The following PDE4D variants were observed in gnomAD, a reference collection of about 807,000 sequenced individuals.
PDE4D encodes the protein 3',5'-cyclic-AMP phosphodiesterase 4D.
PDE4D carries 24 observed loss-of-function variants against 87.4 expected under a neutral mutation model. That is an observed-to-expected ratio of 0.27 (90% CI 0.20 to 0.39). The LOEUF is 0.39. Ranked by LOEUF, PDE4D falls within the 10% of genes least tolerant of loss-of-function variation. The pLI is 1.00. For synonymous variants in PDE4D, 384 were observed against 383.2 expected (o/e 1.00, Z -0.02); for missense variants, 714 against 1,041.0 (o/e 0.69, Z 4.32).
intron 1 of PDE4D, among the ~76,000 whole-genome samples, chr5:59,444,541 G>A (rs1798075866): frequency 6.6e-6 from 1 of 152,122 alleles, no homozygotes; most frequent in Admixed American, 6.5e-5. Flanking sequence ...AGTCGGGCGC[G>A]GTGGCTCACG....
At chr5:59,222,800 G>T (rs1349668224) in intron 1 of PDE4D, among the ~76,000 whole-genome samples, 1 of 152,150 alleles carries the variant, frequency 6.6e-6, no homozygotes, top group African/African-American at 2.4e-5. Flanking sequence ...GTATTTTCTA[G>T]GCTTTCACTG....
At position 58,989,937 on chromosome 5, in the gene PDE4D, A is replaced by G. The variant is rs779936208; in HGVS notation, c.1288-18T>C. 2.8e-6 allele frequency: 4 copies of G among 1,448,662 alleles called. No individual in the cohort carries two copies. In the Admixed American group the frequency reaches 7.8e-5, roughly 28 times the overall value. 89.7% of individuals were successfully genotyped at this position (1,448,662 alleles called of 1,614,324 possible). On this transcript the variant is annotated intron_variant, in intron 9 of 14. Coordinates refer to ENST00000340635, the MANE Select transcript of PDE4D (RefSeq NM_001104631.2). ...TCCCGTTCCTGTAGGAAAAAAAATC[A>G]TCTTAACATTTTTGTCTTTATGTGA... is the stretch of plus-strand genomic sequence containing the variant.
At chr5:59,975,082 T>TAAAA (rs895501341) in intron 3 of PDE4D, among the ~76,000 whole-genome samples, 24 of 152,212 alleles carry the variant, frequency 1.6e-4, no homozygotes, top group Admixed American at 6.5e-5. Flanking sequence ...CACCTTCTTG[T>TAAAA]AAAAACTTCT....
At position 60,179,780 on chromosome 5, in the gene PDE4D, T is replaced by C. The variant is rs113045758; in HGVS notation, c.42+5777A>G. Among the ~76,000 whole-genome samples the C allele has an allele frequency of 3.6e-3, 542 of 152,210 alleles. 6 individuals are homozygous for C. The highest frequency in any genetic ancestry group is 0.012 in the African/African-American group (517 of 41,550). ...TTCAAAACATTTGCCATTTCAATAG[T>C]GAAAAAAAGCTAAACAAAATTTTAA... On this transcript the variant is annotated intron_variant, in intron 2 of 16. Transcript: ENST00000502484.
intron 5 of PDE4D, among the ~76,000 whole-genome samples, chr5:59,139,639 A>AT (rs1777610753): frequency 7.1e-6 from 1 of 141,344 alleles, no homozygotes; most frequent in East Asian, 1.9e-4. Flanking sequence ...CAATTTTTTT[A>AT]TTTTTTTTAT....
chr5:59,257,260 C>T (rs1761154860), intron 1 of PDE4D, among the ~76,000 whole-genome samples: 2 of 152,018 alleles, frequency 1.3e-5, no homozygotes, highest in African/African-American at 4.8e-5. Context: ...ACAGGCCAAA[C>T]TGTGTTTGCT....
At chr5:59,499,750 A>C (rs1332858581) in intron 1 of PDE4D, among the ~76,000 whole-genome samples, 2 of 152,148 alleles carry the variant, frequency 1.3e-5, no homozygotes, top group African/African-American at 2.4e-5. Flanking sequence ...GAACAGACCA[A>C]TAACAAGTAA....
chr5:60,278,500 G>C (rs1260318400), intron 1 of PDE4D, among the ~76,000 whole-genome samples: 2 of 151,846 alleles, frequency 1.3e-5, no homozygotes, highest in African/African-American at 2.4e-5. Context: ...CCTCTTTCTC[G>C]TCTCTTTCTG....
At chr5:59,047,896 C>A (rs1760959236) in intron 5 of PDE4D, among the ~76,000 whole-genome samples, 2 of 152,176 alleles carry the variant, frequency 1.3e-5, no homozygotes, top group Non-Finnish European at 2.9e-5. Context: ...GGGCAGTCTG[C>A]AACCCTGAAG....
chr5:60,102,194 T>A (rs2149333245), intron 2 of PDE4D, among the ~76,000 whole-genome samples: 1 of 152,316 alleles, frequency 6.6e-6, no homozygotes, highest in South Asian at 2.1e-4. Flanking sequence ...ACTGGGACTC[T>A]TAATATATAC....
chr5:59,767,836 CAG>C (rs1762992145), intron 1 of PDE4D, among the ~76,000 whole-genome samples: 1 of 152,136 alleles, frequency 6.6e-6, no homozygotes, highest in African/African-American at 2.4e-5. Context: ...ATGCAGAAAA[CAG>C]AGCAAACTAT....
At chr5:59,032,269 ATTAAG>A (rs1757692195) in intron 6 of PDE4D, among the ~76,000 whole-genome samples, 1 of 152,232 alleles carries the variant, frequency 6.6e-6, no homozygotes, top group Non-Finnish European at 1.5e-5. Context: ...TAAAAAATAC[ATTAAG>A]TTAAAACATT....
At position 59,106,359 on chromosome 5, in the gene PDE4D, T is replaced by C. The variant is rs142340123; in HGVS notation, c.809-67388A>G. Among the ~76,000 whole-genome samples the C allele has an allele frequency of 3.2e-4, 49 of 152,368 alleles. No individual in the cohort carries two copies. The East Asian group carries it at 7.9e-3, about 25-fold the overall frequency. ...CTTATGTGTTTGACTGATGATGTTA[T>C]TGCACAAAGGCTTATGATTTCTCAG... is the stretch of plus-strand genomic sequence containing the variant. On this transcript the variant is annotated intron_variant, in intron 5 of 14. Transcript: ENST00000340635.
chr5:60,029,428 C>CCG (rs1271984466), intron 2 of PDE4D, among the ~76,000 whole-genome samples: 16 of 152,276 alleles, frequency 1.1e-4, no homozygotes, highest in Middle Eastern at 6.8e-3. Flanking sequence ...CTGTAAGTTC[C>CCG]CGCTTCCAGT....
intron 5 of PDE4D, among the ~76,000 whole-genome samples, chr5:59,065,067 T>TATACACACAC (rs764430366): frequency 1.1e-5 from 1 of 89,338 alleles, no homozygotes. Flanking sequence ...GATATATATA[T>TATACACACAC]ACACACACAC....
intron 1 of PDE4D, among the ~76,000 whole-genome samples, chr5:59,811,105 G>T (rs1352739323): frequency 1.3e-5 from 2 of 152,222 alleles, no homozygotes; most frequent in Non-Finnish European, 2.9e-5. Context: ...GAGAAGGAAA[G>T]TGATAGCACA....
intron 1 of PDE4D, among the ~76,000 whole-genome samples, chr5:59,370,682 T>A (rs886736374): frequency 6.6e-6 from 1 of 152,196 alleles, no homozygotes; most frequent in African/African-American, 2.4e-5. Context: ...CACAAAAAAT[T>A]AAATTCTTTC....
chr5:59,650,422 T>C (rs994073782), intron 1 of PDE4D, among the ~76,000 whole-genome samples: 1 of 152,194 alleles, frequency 6.6e-6, no homozygotes, highest in African/African-American at 2.4e-5. Flanking sequence ...AGGCTGAAGA[T>C]GCAGAAATCA....
chr5:60,296,825 G>A (rs970905227), intron 1 of PDE4D, among the ~76,000 whole-genome samples: 3 of 152,092 alleles, frequency 2.0e-5, no homozygotes, highest in Non-Finnish European at 2.9e-5. Flanking sequence ...ATCATTCTCA[G>A]CAAACTAATA....
Sources: allele counts gnomAD v4.1 joint callset (sites outside exome capture counted in the v4.1 genomes callset), GRCh38; gene constraint gnomAD v4.1.1; transcripts MANE v1.5; gene names NCBI Gene and HGNC (gene_info 2026-07-23, HGNC 2026-07-21).